NCKAP5: variants seen among roughly 807,000 people sequenced by gnomAD.
NCKAP5 encodes the protein NCK associated protein 5, also known as nck-associated protein 5.
In NCKAP5, 92 loss-of-function variants were observed where a neutral mutation model predicts 167.0. The observed-to-expected ratio is 0.55, with a 90% CI of 0.47 to 0.66. The LOEUF is 0.66. Ranked by LOEUF, NCKAP5 falls within the 30% of genes least tolerant of loss-of-function variation. NCKAP5 has a pLI of 0.00. For missense variants in NCKAP5, 2,378 were observed against 2,315.0 expected (o/e 1.03, Z -0.56); for synonymous variants, 891 against 877.4 (o/e 1.02, Z -0.27).
chr2:132,765,296 A>ATTTC (rs1323631462), intron 16 of NCKAP5, among the ~76,000 whole-genome samples: 7 of 141,402 alleles, frequency 5.0e-5, no homozygotes, highest in East Asian at 2.2e-4. Flanking sequence ...TTTCCTATGG[A>ATTTC]TTTCTTTCTT....
chr2:133,113,835 T>C (rs950625777), intron 6 of NCKAP5, among the ~76,000 whole-genome samples: 3 of 152,050 alleles, frequency 2.0e-5, no homozygotes, highest in African/African-American at 7.2e-5. Flanking sequence ...AACATGGAGC[T>C]GGGGGTGAGA....
At chr2:133,311,021 C>T (rs1407213412) in intron 3 of NCKAP5, among the ~76,000 whole-genome samples, 2 of 152,142 alleles carry the variant, frequency 1.3e-5, no homozygotes, top group East Asian at 3.9e-4. Flanking sequence ...AACAATTCTC[C>T]AGCAGACACC....
chr2:133,592,059 T>TACACACAC, the NCKAP5 span, among the ~76,000 whole-genome samples: 5 of 150,634 alleles, frequency 3.3e-5, no homozygotes, highest in Non-Finnish European at 7.4e-5. Flanking sequence ...AGGATCATTC[T>TACACACAC]ACACACACAC....
intron 2 of NCKAP5, among the ~76,000 whole-genome samples, chr2:133,550,514 AG>A (rs2104949685): frequency 6.8e-6 from 1 of 147,612 alleles, no homozygotes; most frequent in South Asian, 2.2e-4. Context: ...TTATCTCAAT[AG>A]ATGCAGAAAA....
intron 4 of NCKAP5, among the ~76,000 whole-genome samples, chr2:133,275,871 A>G (rs920072331): frequency 9.2e-5 from 14 of 152,044 alleles, no homozygotes; most frequent in African/African-American, 3.4e-4. Flanking sequence ...AGGTGAATAA[A>G]TCACCAATAA....
intron 8 of NCKAP5, among the ~76,000 whole-genome samples, chr2:132,959,155 A>G (rs973708385): frequency 4.6e-5 from 7 of 150,582 alleles, no homozygotes; most frequent in African/African-American, 9.7e-5. Flanking sequence ...ATTGTGATGC[A>G]CAGCCAGGTT....
At chr2:133,171,351 G>GT (rs1045225870) in intron 5 of NCKAP5, among the ~76,000 whole-genome samples, 11 of 151,906 alleles carry the variant, frequency 7.2e-5, no homozygotes, top group African/African-American at 1.5e-4. Flanking sequence ...GAATAAGCAT[G>GT]TTTTTTTTGT....
chr2:133,389,519 T>A (rs1247029058), intron 3 of NCKAP5, among the ~76,000 whole-genome samples: 4 of 152,216 alleles, frequency 2.6e-5, no homozygotes, highest in Non-Finnish European at 5.9e-5. Context: ...CGTTTTGGTA[T>A]GTATTAGAGA....
chr2:132,966,359 G>A (rs945385059), intron 7 of NCKAP5, among the ~76,000 whole-genome samples: 22 of 152,144 alleles, frequency 1.4e-4, no homozygotes, highest in Middle Eastern at 3.4e-3. Flanking sequence ...CTCAGCCTCC[G>A]AAAGTGCTGG....
chr2:133,304,886 A>T (rs2150578870), intron 3 of NCKAP5, among the ~76,000 whole-genome samples: 1 of 152,358 alleles, frequency 6.6e-6, no homozygotes, highest in South Asian at 2.1e-4. Context: ...TGAAGTAAAC[A>T]GGTGATAGGA....
intron 11 of NCKAP5, among the ~76,000 whole-genome samples, chr2:132,814,013 A>G (rs1014661801): frequency 3.3e-5 from 5 of 152,198 alleles, no homozygotes; most frequent in Non-Finnish European, 7.3e-5. Flanking sequence ...TTTACAGCTC[A>G]ATGTCCTGGT....
At chr2:133,162,903 A>C (rs556398988) in intron 5 of NCKAP5, among the ~76,000 whole-genome samples, 1 of 152,266 alleles carries the variant, frequency 6.6e-6, no homozygotes, top group East Asian at 1.9e-4. Flanking sequence ...TTTCCATGTG[A>C]GAAAATGCAT....
chr2:132,677,447 T>G (rs1684637111), intron 19 of NCKAP5, among the ~76,000 whole-genome samples: 1 of 152,176 alleles, frequency 6.6e-6, no homozygotes, highest in Non-Finnish European at 1.5e-5. Flanking sequence ...AAGCAGTCAT[T>G]CAATCAAACT....
intron 8 of NCKAP5, among the ~76,000 whole-genome samples, chr2:132,918,389 C>T (rs62178917): frequency 0.12 from 17,912 of 152,154 alleles, 1,117 homozygotes; most frequent in Middle Eastern, 0.18. Context: ...TGACCTGTTC[C>T]TTGAGGATTT....
chr2:132,814,687 C>T (rs959240865), intron 11 of NCKAP5, among the ~76,000 whole-genome samples: 2 of 152,152 alleles, frequency 1.3e-5, no homozygotes, highest in South Asian at 2.1e-4. Context: ...CAAAGCTGCT[C>T]GTCGATTTCC....
chr2:133,154,612 G>T (rs1262048706), intron 5 of NCKAP5, among the ~76,000 whole-genome samples: 1 of 152,174 alleles, frequency 6.6e-6, no homozygotes, highest in Non-Finnish European at 1.5e-5. Context: ...GGAATCACTT[G>T]CTCATTAGAC....
intron 8 of NCKAP5, among the ~76,000 whole-genome samples, chr2:132,905,282 A>G (rs112570664): frequency 1.7e-3 from 266 of 152,264 alleles, no homozygotes; most frequent in African/African-American, 5.8e-3. Context: ...ATTTTGCAAG[A>G]CTTATGGCAG....
intron 8 of NCKAP5, among the ~76,000 whole-genome samples, chr2:132,883,405 T>C (rs1350854462): frequency 6.6e-6 from 1 of 152,156 alleles, no homozygotes; most frequent in African/African-American, 2.4e-5. Flanking sequence ...CTTGGTTTGG[T>C]CTCCTTAATG....
chr2:133,347,356 T>A (rs991274734), intron 3 of NCKAP5, among the ~76,000 whole-genome samples: 1 of 151,882 alleles, frequency 6.6e-6, no homozygotes, highest in Non-Finnish European at 1.5e-5. Context: ...AAGTTCGAGA[T>A]CAGCCTGACC....
Sources: allele counts gnomAD v4.1 joint callset (sites outside exome capture counted in the v4.1 genomes callset), GRCh38; gene constraint gnomAD v4.1.1; transcripts MANE v1.5; gene names NCBI Gene and HGNC (gene_info 2026-07-23, HGNC 2026-07-21).